Variants in LILRB2 observed in about 807,000 individuals in gnomAD.
LILRB2 encodes leukocyte immunoglobulin-like receptor subfamily B member 2.
In LILRB2, 47 loss-of-function variants were observed where a neutral mutation model predicts 72.7. The ratio of observed to expected loss-of-function variants is 0.65; its 90% CI spans 0.51 to 0.82. LILRB2 has a LOEUF of 0.82. Ranked by LOEUF, LILRB2 falls within the 40% of genes least tolerant of loss-of-function variation. The pLI is 0.00. For missense variants in LILRB2, 767 were observed against 764.8 expected, an observed-to-expected ratio of 1.00 and a Z score of -0.03; for synonymous variants, 279 against 313.7, an observed-to-expected ratio of 0.89 and a Z score of 1.17.
chr19:54,277,332 G>A, intron 9 of LILRB2: 1 of 1,229,712 alleles, frequency 8.1e-7, no homozygotes, highest in Non-Finnish European at 1.1e-6. Flanking sequence ...AGTCTTCCCT[G>A]AGGGGCCTCC....
At chr19:54,279,307 G>A in intron 5 of LILRB2, 38 bp downstream of exon 5, 1 of 1,587,406 alleles carries the variant, frequency 6.3e-7, no homozygotes, top group Non-Finnish European at 8.6e-7. Context: ...GACTCAGGGA[G>A]ACTCAGGGAA....
Position 54,276,654 on chromosome 19 carries a change from A to T in LILRB2, c.1480+153T>A, listed in dbSNP as rs1209862837. On this transcript the variant is annotated intron_variant, in intron 10 of 13. Transcript: ENST00000314446. The stretch of plus-strand genomic sequence containing the variant: ...CCCGGAGGACACTTTATATTTGTAG[A>T]TGGGACTGACGTTAAGTGCTTTCTC... 2.1e-6 allele frequency: 3 copies of T among 1,460,366 alleles called. No individual in the cohort carries two copies. The Admixed American group carries it at 6.6e-5, about 32-fold the overall frequency. 90.5% of individuals were successfully genotyped at this position (1,460,366 alleles called of 1,614,324 possible).
chr19:54,279,150 G>C, intron 5 of LILRB2, 42 bp from the exon 6 acceptor site: 2 of 1,590,738 alleles, frequency 1.3e-6, no homozygotes, highest in Non-Finnish European at 1.7e-6. Context: ...CGACCCTCAG[G>C]CTTCCCCACA....
At chr19:54,277,748 T>C in intron 8 of LILRB2, 141 bp downstream of exon 8, 5 of 1,303,276 alleles carry the variant, frequency 3.8e-6, no homozygotes, top group Non-Finnish European at 4.3e-6. Flanking sequence ...GGGGACCCTG[T>C]GGCCCCTCCT....
At position 54,278,916 on chromosome 19, in the gene LILRB2, C is replaced by T; in HGVS notation, c.851G>A (p.Gly284Asp). The stretch of plus-strand genomic sequence containing the variant: ...GCCCCCGTAGGAGCGGCTCACAGGG[C>T]CCAGGGTGAAGTTGGCCTGGGAGAG... ...AGLSQANFTL[G>D]PVSRSYGGQY... The change falls in exon 6 of 14, where the codon GGC (glycine) becomes GAC (aspartate). Residue 284 changes from glycine (G) to aspartate (D), a missense_variant. Physicochemically the swap from Gly to Asp is moderately conservative, Grantham distance 94 (BLOSUM62 -1). Around this residue, in one of 3 missense-constraint regions of LILRB2, gnomAD observed 599 missense variants for 568.2 expected, o/e 1.05. Coordinates refer to ENST00000314446, the MANE Select transcript of LILRB2 (RefSeq NM_001080978.4). The T allele has an allele frequency of 1.9e-6, 3 of 1,614,182 alleles. No individual in the cohort carries two copies. The highest frequency in any genetic ancestry group is 2.5e-6 in the Non-Finnish European group (3 of 1,180,020).
In LILRB2 at chr19:54,280,304, A is replaced by G; in HGVS notation, c.35-5T>C. On this transcript the variant is annotated splice_region_variant and splice_polypyrimidine_tract_variant and intron_variant, in intron 2 of 13. Coordinates refer to ENST00000314446, the MANE Select transcript of LILRB2 (RefSeq NM_001080978.4). ...TCCTGGGGCCCAGACTCAGCCCTGG[A>G]AGAGAGTTCCCTGTGAGGGATTTGC... 1 of 1,614,072 alleles carries G rather than the reference A, an allele frequency of 6.2e-7. No homozygotes were observed. The highest frequency in any genetic ancestry group is 8.5e-7 in the Non-Finnish European group (1 of 1,179,978).
At chr19:54,279,248 A>G in intron 5 of LILRB2, 97 bp downstream of exon 5, 2 of 1,539,926 alleles carry the variant, frequency 1.3e-6, no homozygotes, top group Non-Finnish European at 8.8e-7. Flanking sequence ...CCCCAACATC[A>G]TCCCACCTGG....
chr19:54,279,989 G>A lies in LILRB2; in HGVS notation c.157C>T (p.Leu53Phe), dbSNP rs2080474062. 10 of 1,614,006 alleles carry A rather than the reference G, an allele frequency of 6.2e-6. No homozygotes were observed. Among genetic ancestry groups the A allele is most frequent in the Non-Finnish European group, 7.6e-6 (9 of 1,180,008 alleles). Residue 53 changes from leucine to phenylalanine, a missense_variant, in exon 4 of 14, where the codon CTT becomes TTT. Coordinates refer to ENST00000314446, the MANE Select transcript of LILRB2 (RefSeq NM_001080978.4). The stretch of plus-strand genomic sequence containing the variant: ...TATAGACGGTACTCCTGGGCTTCAA[G>A]GCTCCCCTGACAACTGAGGGTGACG... ...SPVTLSCQGS[L>F]EAQEYRLYRE... is the part of the protein sequence containing the mutation.
intron 12 of LILRB2, 72 bp from the exon 13 acceptor site, chr19:54,276,075 C>T: frequency 2.5e-6 from 4 of 1,590,568 alleles, no homozygotes; most frequent in Non-Finnish European, 3.4e-6. Flanking sequence ...CCAGCCCCTG[C>T]CCTGCTCCCA....
At chr19:54,276,104 C>A (rs1801389425) in intron 12 of LILRB2, 101 bp from the exon 13 acceptor site, 1 of 1,561,660 alleles carries the variant, frequency 6.4e-7, no homozygotes, top group Non-Finnish European at 8.7e-7. Context: ...TACTGAGATG[C>A]AGGGAGGGGC....
chr19:54,277,024 A>C, intron 9 of LILRB2, 95 bp from the exon 10 acceptor site: 1 of 1,521,732 alleles, frequency 6.6e-7, no homozygotes, highest in East Asian at 2.5e-5. Flanking sequence ...CACCACCTCC[A>C]ACCCCCACAA....
chr19:54,274,999 C>A, intron 13 of LILRB2, 170 bp from the exon 14 acceptor site: 1 of 1,609,566 alleles, frequency 6.2e-7, no homozygotes, highest in Non-Finnish European at 8.5e-7. Flanking sequence ...GGCCATTTCT[C>A]TCCTAGGTCT....
At chr19:54,280,110 T>G in intron 3 of LILRB2, 35 bp from the exon 4 acceptor site, 1 of 1,611,704 alleles carries the variant, frequency 6.2e-7, no homozygotes, top group African/African-American at 1.3e-5. Flanking sequence ...TCGAAGTCAT[T>G]TCCCACCCAA....
At position 54,275,167 on chromosome 19, in the gene LILRB2, C is replaced by T. The variant is rs370973677; in HGVS notation, c.1648-338G>A. 11,041 of 1,414,418 alleles carry T rather than the reference C, an allele frequency of 7.8e-3. 170 individuals are homozygous for T. The highest frequency in any genetic ancestry group is 0.057 in the South Asian group (4,240 of 74,376). The allele number at this position is 1,414,418 out of a possible 1,614,324, so 87.6% of individuals were successfully genotyped here. On this transcript the variant is annotated intron_variant, in intron 13 of 13. Coordinates refer to ENST00000314446, the MANE Select transcript of LILRB2 (RefSeq NM_001080978.4). The stretch of plus-strand genomic sequence containing the variant: ...GGGTGATCCGATTACATCCCTTTCC[C>T]GATGGAATCTCAGGGACGCCCTAAG...
At chr19:54,276,588 C>A in intron 10 of LILRB2, 132 bp from the exon 11 acceptor site, 1 of 1,444,968 alleles carries the variant, frequency 6.9e-7, no homozygotes, top group Non-Finnish European at 9.3e-7. Flanking sequence ...ATGAGATGGA[C>A]AGAGTCCGAA....
Position 54,274,455 on chromosome 19 carries a change from T to C in LILRB2, c.*228A>G, listed in dbSNP as rs2080120250. ...TACTTCTGATTTTAGTTTTCTCGGT[T>C]AACTCATTGATTATTGAGAAGTCTG... On this transcript the variant is annotated 3_prime_UTR_variant, in exon 14 of 14. Coordinates refer to ENST00000314446, the MANE Select transcript of LILRB2 (RefSeq NM_001080978.4). 1 of 748,932 alleles carries C rather than the reference T, an allele frequency of 1.3e-6. No individual in the cohort carries two copies. Among genetic ancestry groups the C allele is most frequent in the African/African-American group, 1.8e-5 (1 of 56,704 alleles). 46.4% of individuals were successfully genotyped at this position (748,932 alleles called of 1,614,324 possible).
In LILRB2 at chr19:54,274,437, G is replaced by T; in HGVS notation, c.*246C>A. 1.6e-6 allele frequency: 1 copy of T among 623,592 alleles called. No individual in the cohort carries two copies. Among genetic ancestry groups the T allele is most frequent in the Non-Finnish European group, 2.6e-6 (1 of 377,808 alleles). 38.6% of individuals were successfully genotyped at this position (623,592 alleles called of 1,614,324 possible). A position where few individuals can be genotyped will look rare whatever the true frequency, so the allele number is the denominator to read the frequency against. Reference sequence around the variant, plus strand: ...CAGTTTAAAGCACATTCTTACTTCTGATTTTAGTTTTCTCGGTTAACTCAT... The same window carrying T: ...CAGTTTAAAGCACATTCTTACTTCTTATTTTAGTTTTCTCGGTTAACTCAT... On this transcript the variant is annotated 3_prime_UTR_variant, in exon 14 of 14. Coordinates refer to ENST00000314446, the MANE Select transcript of LILRB2 (RefSeq NM_001080978.4).
At chr19:54,277,147 A>G in intron 9 of LILRB2, 1 of 1,504,918 alleles carries the variant, frequency 6.6e-7, no homozygotes, top group East Asian at 2.5e-5. Flanking sequence ...CAGAGCTGGG[A>G]AGGGAGCCTG....
chr19:54,280,271 C>T lies in LILRB2; in HGVS notation c.63G>A (p.Val21=), dbSNP rs1171558143. Residue 21 remains valine, a synonymous_variant, in exon 3 of 14, where the codon GTG becomes GTA. Transcript: ENST00000314446. The part of the protein sequence containing the change: ...LGLSLGPRTR[V]QTGTIPKPTL... ...AGCTGGGGACAGACTCACCTGTCTGCACGCGGGTCCTGGGGCCCAGACTCA... is the reference window on the plus strand; with the variant it reads ...AGCTGGGGACAGACTCACCTGTCTGTACGCGGGTCCTGGGGCCCAGACTCA... The T allele has an allele frequency of 2.5e-6, 4 of 1,614,076 alleles. No individual in the cohort carries two copies. Among genetic ancestry groups the T allele is most frequent in the Middle Eastern group, 1.7e-4 (1 of 6,004 alleles).
Sources: allele counts gnomAD v4.1 joint callset, GRCh38; gene constraint gnomAD v4.1.1; regional missense constraint gnomAD v4.1.1; transcripts MANE v1.5; gene names NCBI Gene and HGNC (gene_info 2026-07-23, HGNC 2026-07-21).